Variants in EMC7 observed in about 807,000 individuals in gnomAD.
The protein encoded by EMC7 is endoplasmic reticulum membrane protein complex subunit 7.
Under a neutral mutation model 24.4 loss-of-function variants are expected in EMC7, and 4 were observed. That is an observed-to-expected ratio of 0.16 (90% CI 0.08 to 0.38). The LOEUF (loss-of-function observed/expected upper bound fraction) is 0.38. Ranked by LOEUF, EMC7 falls within the 10% of genes least tolerant of loss-of-function variation. The pLI is 1.00. For missense variants in EMC7, 221 were observed against 300.6 expected (o/e 0.74, Z 1.96); for synonymous variants, 106 against 112.0 (o/e 0.95, Z 0.34).
At chr15:34,091,595 T>C (rs542700229) in intron 2 of EMC7, among the ~76,000 whole-genome samples, 1 of 152,130 alleles carries the variant, frequency 6.6e-6, no homozygotes, top group Non-Finnish European at 1.5e-5. Flanking sequence ...CAGGGGAGAC[T>C]TTTTCCCCCA....
intron 3 of EMC7, among the ~76,000 whole-genome samples, chr15:34,088,779 G>A (rs1223328451): frequency 6.6e-6 from 1 of 152,138 alleles, no homozygotes; most frequent in Admixed American, 6.5e-5. Context: ...GGGATATACA[G>A]CCTCTGAAAA....
At chr15:34,085,298 G>T (rs900055022) in intron 4 of EMC7, among the ~76,000 whole-genome samples, 2 of 152,236 alleles carry the variant, frequency 1.3e-5, no homozygotes, top group Admixed American at 1.3e-4. Flanking sequence ...TGGCACTTTT[G>T]AGTATTTGTC....
chr15:34,086,733 T>C (rs1900895957), intron 4 of EMC7, among the ~76,000 whole-genome samples: 1 of 152,242 alleles, frequency 6.6e-6, no homozygotes, highest in African/African-American at 2.4e-5. Flanking sequence ...CCGGCCAGAA[T>C]GAACTTTTAA....
At chr15:34,093,429 G>A (rs1193929822) in intron 2 of EMC7, among the ~76,000 whole-genome samples, 1 of 80,324 alleles carries the variant, frequency 1.2e-5, no homozygotes. Context: ...GAGCGAGACT[G>A]TCTCAAATTA....
At chr15:34,090,943 A>C (rs563317057) in intron 2 of EMC7, among the ~76,000 whole-genome samples, 2 of 152,244 alleles carry the variant, frequency 1.3e-5, no homozygotes, top group Non-Finnish European at 2.9e-5. Flanking sequence ...CAGCAGTGCT[A>C]TAGGTAACGC....
intron 1 of EMC7, among the ~76,000 whole-genome samples, chr15:34,096,580 G>A (rs1901070794): frequency 6.6e-6 from 1 of 152,126 alleles, no homozygotes; most frequent in South Asian, 2.1e-4. Flanking sequence ...GGGTAGAGAT[G>A]ACAGGTGACA....
At position 34,098,457 on chromosome 15, in the gene EMC7, CT is replaced by C. The variant is rs560201784; in HGVS notation, c.237-2444del. 8.7e-3 allele frequency among the ~76,000 whole-genome samples: 1,147 copies of C among 132,272 alleles called. 6 individuals carry two copies. Among genetic ancestry groups the C allele is most frequent in the Non-Finnish European group, 9.7e-3 (614 of 63,018 alleles). 86.8% of individuals were successfully genotyped at this position (132,272 alleles called of 152,430 possible). A position where few individuals can be genotyped will look rare whatever the true frequency, so the allele number is the denominator to read the frequency against. On this transcript the variant is annotated intron_variant, in intron 1 of 4. Coordinates refer to ENST00000256545, the MANE Select transcript of EMC7 (RefSeq NM_020154.3). ...CCTGACTGAACCAATTTCTTTCTTT[CT>C]TTTTTTTTTTTTTTTGAGACAGAGT...
chr15:34,088,186 GAAC>G, intron 3 of EMC7, 53 bp from the exon 4 acceptor site: 1 of 1,450,976 alleles, frequency 6.9e-7, no homozygotes. Flanking sequence ...ACAGTTAATA[GAAC>G]AAAAACTGCA....
At position 34,084,162 on chromosome 15, in the gene EMC7, T is replaced by G; in HGVS notation, c.*172A>C. 1.4e-6 allele frequency: 1 copy of G among 729,174 alleles called. No individual in the cohort carries two copies. The highest frequency in any genetic ancestry group is 2.1e-6 in the Non-Finnish European group (1 of 474,348). The allele number at this position is 729,174 out of a possible 1,614,324, so 45.2% of individuals were successfully genotyped here. A position where few individuals can be genotyped will look rare whatever the true frequency, so the allele number is the denominator to read the frequency against. ...ATACAGACAAAAGATGAAAGCTGGG[T>G]TTTCTCGTGTACCAAGTACAAAACA... On this transcript the variant is annotated 3_prime_UTR_variant, in exon 5 of 5. Transcript: ENST00000256545.
chr15:34,101,209 C>T (rs1192408880), intron 1 of EMC7, among the ~76,000 whole-genome samples: 2 of 152,074 alleles, frequency 1.3e-5, no homozygotes, highest in Admixed American at 6.5e-5. Context: ...TAACAAGCTA[C>T]CAAAAGACTG....
chr15:34,093,823 A>ATATATTTTTTTTTT (rs1190830993), intron 2 of EMC7, among the ~76,000 whole-genome samples: 11 of 48,670 alleles, frequency 2.3e-4, no homozygotes, highest in South Asian at 2.3e-3. Context: ...ATATATATAT[A>ATATATTTTTTTTTT]TTTTTTTTTT....
intron 3 of EMC7, 94 bp downstream of exon 3, chr15:34,090,223 A>C: frequency 7.8e-7 from 1 of 1,289,540 alleles, no homozygotes; most frequent in Non-Finnish European, 1.1e-6. Flanking sequence ...CACCAATCTG[A>C]CCTCAGCTTT....
chr15:34,095,529 AT>A (rs2140871207), intron 2 of EMC7, among the ~76,000 whole-genome samples: 1 of 152,362 alleles, frequency 6.6e-6, no homozygotes, highest in South Asian at 2.1e-4. Flanking sequence ...TTATCAAAAT[AT>A]CCCAGTGAAA....
chr15:34,100,070 G>A (rs998645395), intron 1 of EMC7, among the ~76,000 whole-genome samples: 2 of 152,236 alleles, frequency 1.3e-5, no homozygotes, highest in East Asian at 1.9e-4. Context: ...GGTAGGCACC[G>A]TGGCTCACGC....
chr15:34,084,215 G>A lies in EMC7; in HGVS notation c.*119C>T. The A allele has an allele frequency of 7.9e-7, 1 of 1,263,180 alleles. No homozygotes were observed. 78.2% of individuals were successfully genotyped at this position (1,263,180 alleles called of 1,614,324 possible). ...TGCTAAAAAGTTAACATACACAGTT[G>A]TAAGAGATCAACGTCGGGATGACTC... is the stretch of plus-strand genomic sequence containing the variant. On this transcript the variant is annotated 3_prime_UTR_variant, in exon 5 of 5. Coordinates refer to ENST00000256545, the MANE Select transcript of EMC7 (RefSeq NM_020154.3).
chr15:34,087,747 T>C (rs190827786), intron 4 of EMC7, among the ~76,000 whole-genome samples: 7 of 152,360 alleles, frequency 4.6e-5, no homozygotes, highest in Admixed American at 3.9e-4. Flanking sequence ...ATAAACATGA[T>C]ACTATGTTAA....
At chr15:34,088,966 C>T (rs893675228) in intron 3 of EMC7, among the ~76,000 whole-genome samples, 3 of 152,134 alleles carry the variant, frequency 2.0e-5, no homozygotes, top group African/African-American at 7.2e-5. Flanking sequence ...AAGCAGTTCT[C>T]CTGCCTCAGC....
At position 34,088,076 on chromosome 15, in the gene EMC7, T is replaced by C. The variant is rs1186532430; in HGVS notation, c.553A>G (p.Thr185Ala). Residue 185 changes from threonine to alanine, a missense_variant, in exon 4 of 5, where the codon ACA (threonine) becomes GCA (alanine). By Grantham distance (58) the Thr-to-Ala change is moderately conservative. Around this residue, in one of 2 missense-constraint regions of EMC7, gnomAD observed 65 missense variants for 123.4 expected, o/e 0.53. Transcript: ENST00000256545. ...ACCCGTCTCATGTCAGGATCACTTGTGTTGACCACTTTAGGCAGAAGCACA... is the reference window on the plus strand; with the variant it reads ...ACCCGTCTCATGTCAGGATCACTTGCGTTGACCACTTTAGGCAGAAGCACA... ...IFVLLPKVVNTSDPDMRREME... is the reference protein window; with the variant it reads ...IFVLLPKVVNASDPDMRREME... The C allele has an allele frequency of 4.3e-6, 7 of 1,612,354 alleles. No individual in the cohort carries two copies. The highest frequency in any genetic ancestry group is 5.9e-6 in the Non-Finnish European group (7 of 1,179,524).
intron 1 of EMC7, among the ~76,000 whole-genome samples, chr15:34,096,377 G>T (rs1194292232): frequency 1.3e-5 from 2 of 151,936 alleles, no homozygotes; most frequent in African/African-American, 4.8e-5. Context: ...CACCATGTTG[G>T]CCAGGCTGGT....
Sources: gnomAD v4.1 joint callset for allele counts (sites outside exome capture counted in the v4.1 genomes callset) on GRCh38, gnomAD v4.1.1 for gene constraint, gnomAD v4.1.1 regional missense constraint, MANE v1.5 for transcripts, NCBI Gene and HGNC (gene_info 2026-07-23, HGNC 2026-07-21) for gene names.